The following SNX10 variants were observed in gnomAD, a reference collection of about 807,000 sequenced individuals.
SNX10 encodes sorting nexin 10.
Under a neutral mutation model 28.5 loss-of-function variants are expected in SNX10, and 25 were observed. The observed-to-expected ratio is 0.88, with a 90% CI of 0.64 to 1.22. The LOEUF (loss-of-function observed/expected upper bound fraction) is 1.22. Among genes scored for constraint, SNX10 ranks in the 50% most tolerant of loss-of-function variants. The pLI is 0.00. For missense variants in SNX10, 223 were observed against 242.6 expected (o/e 0.92, Z 0.54); for synonymous variants, 62 against 81.4 (o/e 0.76, Z 1.28).
chr7:26,309,216 T>G (rs1786718399), intron 1 of SNX10, among the ~76,000 whole-genome samples: 1 of 152,258 alleles, frequency 6.6e-6, no homozygotes, highest in East Asian at 1.9e-4. Context: ...GCCTTCTCCA[T>G]GAAGCCTCCC....
intron 1 of SNX10, among the ~76,000 whole-genome samples, chr7:26,308,242 A>G (rs1167385214): frequency 3.3e-5 from 5 of 151,978 alleles, no homozygotes; most frequent in African/African-American, 1.2e-4. Flanking sequence ...TTTTCTCCCC[A>G]AGGCTAATCT....
intron 1 of SNX10, among the ~76,000 whole-genome samples, chr7:26,296,395 A>G (rs1016283307): frequency 1.3e-5 from 2 of 152,090 alleles, no homozygotes; most frequent in African/African-American, 2.4e-5. Context: ...ACACACCTGT[A>G]GTCCTAGCTT....
chr7:26,293,720 T>A (rs1221590896), intron 1 of SNX10, among the ~76,000 whole-genome samples: 1 of 152,212 alleles, frequency 6.6e-6, no homozygotes, highest in African/African-American at 2.4e-5. Flanking sequence ...ACATCAGTGT[T>A]GACAGTGGGA....
chr7:26,372,129 TTTG>T (rs1478905018), intron 6 of SNX10, 96 bp downstream of exon 6: 1 of 798,044 alleles, frequency 1.3e-6, no homozygotes, highest in Non-Finnish European at 1.9e-6. Flanking sequence ...ACTTCACTTT[TTTG>T]TTGATATAAT....
At chr7:26,303,487 T>A (rs1328266592) in intron 1 of SNX10, among the ~76,000 whole-genome samples, 2 of 152,150 alleles carry the variant, frequency 1.3e-5, no homozygotes, top group African/African-American at 4.8e-5. Flanking sequence ...TGATGCAGTC[T>A]TTCAGGCTCC....
At chr7:26,324,139 A>G (rs1207770882) in intron 1 of SNX10, among the ~76,000 whole-genome samples, 1 of 152,194 alleles carries the variant, frequency 6.6e-6, no homozygotes, top group Non-Finnish European at 1.5e-5. Context: ...TACAGGTAAC[A>G]TCCACTCAGT....
chr7:26,318,524 A>G (rs1256279307), intron 1 of SNX10, among the ~76,000 whole-genome samples: 1 of 152,088 alleles, frequency 6.6e-6, no homozygotes, highest in African/African-American at 2.4e-5. Context: ...TTGGAGTGCA[A>G]TGGCGAGATC....
intron 1 of SNX10, among the ~76,000 whole-genome samples, chr7:26,300,662 G>A (rs1283486712): frequency 6.6e-6 from 1 of 152,116 alleles, no homozygotes; most frequent in Non-Finnish European, 1.5e-5. Flanking sequence ...CAGGATGTAT[G>A]CAGCAAGAGT....
intron 1 of SNX10, among the ~76,000 whole-genome samples, chr7:26,308,018 A>G (rs969599914): frequency 6.6e-6 from 1 of 152,150 alleles, no homozygotes; most frequent in African/African-American, 2.4e-5. Context: ...TAGAAGTCCA[A>G]ATTCCTCCTT....
At chr7:26,339,966 G>A (rs540440597) in intron 1 of SNX10, among the ~76,000 whole-genome samples, 30 of 151,764 alleles carry the variant, frequency 2.0e-4, no homozygotes, top group African/African-American at 7.2e-4. Flanking sequence ...CATGAATCAG[G>A]GAGCACCTGA....
At chr7:26,295,552 G>A (rs960187952) in intron 1 of SNX10, among the ~76,000 whole-genome samples, 7 of 152,182 alleles carry the variant, frequency 4.6e-5, no homozygotes, top group African/African-American at 1.7e-4. Context: ...GAACTACACA[G>A]CTAATTAGAG....
At chr7:26,308,733 C>T (rs1169576422) in intron 1 of SNX10, among the ~76,000 whole-genome samples, 2 of 152,080 alleles carry the variant, frequency 1.3e-5, no homozygotes, top group African/African-American at 4.8e-5. Context: ...CATGGGATCC[C>T]CAGTTTATAG....
chr7:26,339,969 G>T (rs1423487119), intron 1 of SNX10, among the ~76,000 whole-genome samples: 1 of 151,542 alleles, frequency 6.6e-6, no homozygotes, highest in Non-Finnish European at 1.5e-5. Flanking sequence ...GAATCAGGGA[G>T]CACCTGATCT....
chr7:26,317,359 G>T (rs759251385), intron 1 of SNX10, among the ~76,000 whole-genome samples: 29 of 152,050 alleles, frequency 1.9e-4, no homozygotes, highest in Non-Finnish European at 3.8e-4. Flanking sequence ...GTCACTTTGT[G>T]GTGATGACCT....
chr7:26,358,231 A>T (rs548897832), intron 2 of SNX10, among the ~76,000 whole-genome samples: 2 of 152,178 alleles, frequency 1.3e-5, no homozygotes, highest in Admixed American at 6.5e-5. Context: ...GTGACAAGAG[A>T]TGGAGGTGAA....
intron 1 of SNX10, among the ~76,000 whole-genome samples, chr7:26,324,638 G>A (rs116958119): frequency 0.03 from 4,596 of 152,154 alleles, 131 homozygotes; most frequent in East Asian, 0.12. Context: ...TGGGATTACA[G>A]GTGTGAGCCA....
chr7:26,320,482 A>G (rs1453342568), intron 1 of SNX10, among the ~76,000 whole-genome samples: 2 of 151,082 alleles, frequency 1.3e-5, no homozygotes, highest in African/African-American at 4.9e-5. Flanking sequence ...CCCGGGCTGG[A>G]GTGCAGTGGT....
chr7:26,320,575 G>A (rs1310099303), intron 1 of SNX10, among the ~76,000 whole-genome samples: 143 of 152,194 alleles, frequency 9.4e-4, no homozygotes, highest in Non-Finnish European at 4.9e-4. Context: ...TGGGACTACA[G>A]GCGCCCGCCA....
chr7:26,357,705 C>T (rs1225882218), intron 2 of SNX10, among the ~76,000 whole-genome samples: 1 of 152,004 alleles, frequency 6.6e-6, no homozygotes, highest in African/African-American at 2.4e-5. Context: ...GTCAGTGGTT[C>T]CAAGGAGAAT....
Sources: allele counts gnomAD v4.1 joint callset (sites outside exome capture counted in the v4.1 genomes callset), GRCh38; gene constraint gnomAD v4.1.1; transcripts MANE v1.5; gene names NCBI Gene and HGNC (gene_info 2026-07-23, HGNC 2026-07-21).